The following OCA2 variants were observed in gnomAD, a reference collection of about 807,000 sequenced individuals.
OCA2 encodes the protein OCA2 melanosomal transmembrane protein.
OCA2 carries 77 observed loss-of-function variants against 100.2 expected under a neutral mutation model. That is an observed-to-expected ratio of 0.77 (90% CI 0.64 to 0.93). OCA2 has a LOEUF of 0.93. Ranked by LOEUF, OCA2 falls within the 40% of genes least tolerant of loss-of-function variation. The pLI is 0.00. For missense variants in OCA2, 1,062 were observed against 1,089.1 expected (o/e 0.98, Z 0.35); for synonymous variants, 432 against 439.2 (o/e 0.98, Z 0.21).
At chr15:27,999,424 A>C (rs578033586) in intron 9 of OCA2, among the ~76,000 whole-genome samples, 1 of 152,310 alleles carries the variant, frequency 6.6e-6, no homozygotes, top group South Asian at 2.1e-4. Flanking sequence ...TCCTTTCATA[A>C]TTAAAAGCTC....
At chr15:27,982,042 G>A (rs1221766986) in intron 14 of OCA2, among the ~76,000 whole-genome samples, 2 of 150,812 alleles carry the variant, frequency 1.3e-5, no homozygotes, top group African/African-American at 4.9e-5. Context: ...ATTGTTCCAT[G>A]TGTTTTGTCT....
At chr15:27,914,579 G>A (rs1203274128) in intron 19 of OCA2, among the ~76,000 whole-genome samples, 1 of 152,048 alleles carries the variant, frequency 6.6e-6, no homozygotes, top group African/African-American at 2.4e-5. Context: ...CATTCAAGCT[G>A]AGAGCCAAAT....
rs549326741 is a variant in OCA2 at position 28,027,446 on chromosome 15, G to A, written c.515+425C>T. Among the ~76,000 whole-genome samples, 5 of 152,332 alleles carry A rather than the reference G, an allele frequency of 3.3e-5. No individual in the cohort carries two copies. The South Asian group carries it at 6.2e-4, about 19-fold the overall frequency. On this transcript the variant is annotated intron_variant, in intron 4 of 23. Coordinates refer to ENST00000354638, the MANE Select transcript of OCA2 (RefSeq NM_000275.3). The stretch of plus-strand genomic sequence containing the variant: ...TGTTTCCAGCCTTAACAAGGTTTCT[G>A]GAGCCCACAGCACAGAAGGGAACCC...
intron 1 of OCA2, among the ~76,000 whole-genome samples, chr15:28,094,385 G>A (rs2044929796): frequency 6.6e-6 from 1 of 152,200 alleles, no homozygotes; most frequent in Non-Finnish European, 1.5e-5. Flanking sequence ...GACACCTGCA[G>A]CTGGCGGGAG....
intron 19 of OCA2, among the ~76,000 whole-genome samples, chr15:27,891,993 A>C (rs115615864): frequency 0.016 from 2,369 of 152,280 alleles, 55 homozygotes; most frequent in African/African-American, 0.05. Context: ...AATAATGATA[A>C]ATAGGTCAAT....
rs750120991 is a variant in OCA2, at chr15:28,032,113, C to G, written c.278G>C (p.Cys93Ser). The G allele has an allele frequency of 6.2e-7, 1 of 1,613,954 alleles. No individual in the cohort carries two copies. Among genetic ancestry groups the G allele is most frequent in the East Asian group, 2.2e-5 (1 of 44,892 alleles). The change falls in exon 3 of 24, where the codon TGC (cysteine) becomes TCC (serine). Residue 93 changes from cysteine to serine, a missense_variant. Physicochemically the swap from Cys to Ser is moderately radical, Grantham distance 112 (BLOSUM62 -1). Coordinates refer to ENST00000354638, the MANE Select transcript of OCA2 (RefSeq NM_000275.3). Reference protein sequence around the residue: ...QMSSSRSKDSCFTENTPLLRN... With the variant: ...QMSSSRSKDSSFTENTPLLRN... ...CAGCAAAGGAGTGTTTTCTGTAAAG[C>G]AGGAATCTTTAGACCTGGAGCTGGA...
At chr15:27,913,891 GAAAGCAAGCAAGCAAGCAAGCA>G (rs2038538234) in intron 19 of OCA2, among the ~76,000 whole-genome samples, 2 of 42,066 alleles carry the variant, frequency 4.8e-5, no homozygotes, top group African/African-American at 2.0e-4. Flanking sequence ...AAGAAAGAAA[GAAAGCAAGCAAGCAAGCAAGCA>G]AGCAAGCAAG....
At chr15:27,987,253 T>C (rs990764491) in intron 11 of OCA2, among the ~76,000 whole-genome samples, 9 of 152,206 alleles carry the variant, frequency 5.9e-5, no homozygotes, top group Non-Finnish European at 1.2e-4. Context: ...ACAGCCATCC[T>C]GGATCCTAAT....
chr15:27,985,281 C>T, intron 12 of OCA2, 93 bp from the exon 13 acceptor site: 1 of 1,462,004 alleles, frequency 6.8e-7, no homozygotes, highest in Non-Finnish European at 9.4e-7. Flanking sequence ...GAACAGGGAG[C>T]CAAACTAACA....
chr15:28,041,732 G>A (rs1468956833), intron 2 of OCA2, among the ~76,000 whole-genome samples: 1 of 152,162 alleles, frequency 6.6e-6, no homozygotes, highest in Non-Finnish European at 1.5e-5. Context: ...TCACACAATA[G>A]TGGAAATAAA....
At chr15:27,947,295 G>A (rs537462583) in intron 18 of OCA2, among the ~76,000 whole-genome samples, 1 of 152,362 alleles carries the variant, frequency 6.6e-6, no homozygotes, top group African/African-American at 2.4e-5. Context: ...AGGGTCTCAT[G>A]CAGGCACTGC....
rs141126187 is a variant in OCA2 at position 27,932,522 on chromosome 15, C to A, written c.1952-6268G>T. Among the ~76,000 whole-genome samples, 240 of 152,274 alleles carry A rather than the reference C, an allele frequency of 1.6e-3. 2 individuals are homozygous for A. Among genetic ancestry groups the A allele is most frequent in the African/African-American group, 5.4e-3 (224 of 41,548 alleles). On this transcript the variant is annotated intron_variant, in intron 18 of 23. Transcript: ENST00000354638. ...GGGCAGGCAGAGATAAGGAAAGCCA[C>A]CTGCATGCCTAGGGAAAGGCCCATG...
the OCA2 span, among the ~76,000 whole-genome samples, chr15:27,724,600 C>T: frequency 0.045 from 6,916 of 152,140 alleles, 435 homozygotes; most frequent in African/African-American, 0.14. Context: ...GGGCTTCATG[C>T]GAATGTTGCT....
At chr15:28,067,028 T>G (rs1247112829) in intron 2 of OCA2, among the ~76,000 whole-genome samples, 2 of 152,234 alleles carry the variant, frequency 1.3e-5, no homozygotes, top group Non-Finnish European at 2.9e-5. Flanking sequence ...GATGTCTGCC[T>G]GTAACTTTTG....
chr15:27,798,215 C>A (rs1427553793), intron 23 of OCA2, among the ~76,000 whole-genome samples: 1 of 152,188 alleles, frequency 6.6e-6, no homozygotes, highest in African/African-American at 2.4e-5. Context: ...AAGGGCCAGG[C>A]TATGACCAAT....
chr15:28,074,550 T>G (rs1233826792), intron 2 of OCA2, among the ~76,000 whole-genome samples: 2 of 152,056 alleles, frequency 1.3e-5, no homozygotes, highest in Non-Finnish European at 2.9e-5. Flanking sequence ...GGCGGACGCC[T>G]GCAGTCCCAT....
intron 1 of OCA2, among the ~76,000 whole-genome samples, chr15:28,083,913 C>T (rs775927039): frequency 1.3e-5 from 2 of 152,210 alleles, no homozygotes; most frequent in Non-Finnish European, 2.9e-5. Context: ...CCTCCTAAAA[C>T]ACCCAGCTTC....
intron 18 of OCA2, among the ~76,000 whole-genome samples, chr15:27,947,586 C>T (rs2039884894): frequency 6.6e-6 from 1 of 152,226 alleles, no homozygotes; most frequent in South Asian, 2.1e-4. Flanking sequence ...CCTTCTCTGC[C>T]TGGGCCGCCC....
chr15:27,883,950 A>G (rs1162386559), intron 19 of OCA2, among the ~76,000 whole-genome samples: 2 of 152,248 alleles, frequency 1.3e-5, no homozygotes, highest in Non-Finnish European at 2.9e-5. Flanking sequence ...CAATTTTCAC[A>G]AGCATTTCAA....
Sources: allele counts gnomAD v4.1 joint callset (sites outside exome capture counted in the v4.1 genomes callset), GRCh38; gene constraint gnomAD v4.1.1; transcripts MANE v1.5; gene names NCBI Gene and HGNC (gene_info 2026-07-23, HGNC 2026-07-21).